Variants in OTOA observed in about 807,000 individuals in gnomAD.
OTOA encodes cancer/testis antigen 108.
In OTOA, 70 loss-of-function variants were observed where a neutral mutation model predicts 110.8. The observed-to-expected ratio is 0.63, with a 90% CI of 0.52 to 0.77. The LOEUF is 0.77. OTOA is among the 30% of genes least tolerant of loss of function. The pLI is 0.00. For missense variants in OTOA, 917 were observed against 1,075.8 expected (o/e 0.85, Z 2.06); for synonymous variants, 373 against 431.5 (o/e 0.86, Z 1.68).
chr16:21,730,005 G>T (rs1484264837), intron 20 of OTOA: 1 of 152,142 alleles, frequency 6.6e-6, no homozygotes, highest in Non-Finnish European at 1.5e-5. Flanking sequence ...ACTCCTTTGT[G>T]TAAATACCAA....
At chr16:21,680,289 G>A (rs1966879008) in intron 5 of OTOA, among the ~76,000 whole-genome samples, 1 of 152,060 alleles carries the variant, frequency 6.6e-6, no homozygotes, top group Admixed American at 6.6e-5. Flanking sequence ...CAAGGTGGGC[G>A]GATCATGAAG....
intron 1 of OTOA, among the ~76,000 whole-genome samples, chr16:21,667,213 T>C (rs1314397912): frequency 6.6e-6 from 1 of 152,212 alleles, no homozygotes; most frequent in Non-Finnish European, 1.5e-5. Context: ...TTTTGGTGTC[T>C]GGGAACTTCA....
chr16:21,681,316 T>G (rs1966888401), intron 5 of OTOA, among the ~76,000 whole-genome samples: 1 of 152,062 alleles, frequency 6.6e-6, no homozygotes, highest in Non-Finnish European at 1.5e-5. Flanking sequence ...TCAGGCTGGG[T>G]GCAGCAGCTC....
intron 9 of OTOA, among the ~76,000 whole-genome samples, chr16:21,692,513 G>T (rs1897851084): frequency 1.3e-5 from 2 of 152,154 alleles, no homozygotes; most frequent in Admixed American, 1.3e-4. Context: ...ACAGAAATTA[G>T]AATGGTGGTA....
At chr16:21,675,981 G>A (rs1966856890) in intron 1 of OTOA, among the ~76,000 whole-genome samples, 1 of 152,170 alleles carries the variant, frequency 6.6e-6, no homozygotes, top group South Asian at 2.1e-4. Context: ...TGGCTGGAGT[G>A]CAGTGGCATA....
intron 1 of OTOA, among the ~76,000 whole-genome samples, chr16:21,666,243 AT>A (rs61085785): frequency 0.033 from 4,219 of 128,906 alleles, 73 homozygotes; most frequent in East Asian, 0.094. Flanking sequence ...ATGAAATGGC[AT>A]TTTTTTTTTT....
intron 18 of OTOA, among the ~76,000 whole-genome samples, chr16:21,725,410 G>A (rs1354284220): frequency 6.6e-6 from 1 of 151,954 alleles, no homozygotes; most frequent in African/African-American, 2.4e-5. Flanking sequence ...TCAGCCTCTA[G>A]AGTAGTTGAA....
At chr16:21,683,329 C>T (rs59954465) in intron 6 of OTOA, among the ~76,000 whole-genome samples, 2,701 of 152,262 alleles carry the variant, frequency 0.018, 80 homozygotes, top group African/African-American at 0.062. Flanking sequence ...GTGGTAAGTC[C>T]TTTTATTGCC....
intron 1 of OTOA, among the ~76,000 whole-genome samples, chr16:21,665,242 G>A (rs770179653): frequency 1.2e-4 from 18 of 152,166 alleles, no homozygotes; most frequent in Non-Finnish European, 1.8e-4. Context: ...GCCAGTGAGC[G>A]TTGGAATCAT....
At position 21,718,463 on chromosome 16, in the gene OTOA, T is replaced by C. The variant is rs533235266; in HGVS notation, c.1630-670T>C. 5.5e-4 allele frequency among the ~76,000 whole-genome samples: 83 copies of C among 152,186 alleles called. 1 individual carries two copies. Among genetic ancestry groups the C allele is most frequent in the Non-Finnish European group, 1.1e-3 (73 of 68,038 alleles). ...CATCGTCCATTCCTTTTGCCTGGGC[T>C]TTTGTGCTGCTTTTTGGCTCTCAGC... is the stretch of plus-strand genomic sequence containing the variant. On this transcript the variant is annotated intron_variant, in intron 15 of 28. Transcript: ENST00000646100.
chr16:21,682,440 A>G (rs1966909999), intron 6 of OTOA, among the ~76,000 whole-genome samples: 1 of 152,242 alleles, frequency 6.6e-6, no homozygotes, highest in African/African-American at 2.4e-5. Context: ...ATTGATAAAG[A>G]GCAGTGAGAG....
chr16:21,664,599 A>G (rs1169554521), intron 1 of OTOA, among the ~76,000 whole-genome samples: 1 of 152,186 alleles, frequency 6.6e-6, no homozygotes, highest in Non-Finnish European at 1.5e-5. Context: ...GCATTCTTAT[A>G]TGTGCCAGTG....
At chr16:21,727,090 C>T (rs1281660447) in intron 19 of OTOA, 1 of 203,452 alleles carries the variant, frequency 4.9e-6, no homozygotes, top group East Asian at 1.3e-4. Flanking sequence ...GATCTCAGCT[C>T]ACTGCAACCT....
Position 21,678,919 on chromosome 16 carries a change from G to C in OTOA, c.96G>C (p.Leu32Phe), listed in dbSNP as rs372826296. The change falls in exon 3 of 29, where the codon TTG (leucine) becomes TTC (phenylalanine). Residue 32 changes from leucine (L) to phenylalanine (F), a missense_variant. Physicochemically the swap from Leu to Phe is conservative, Grantham distance 22. Transcript: ENST00000646100. Reference protein sequence around the residue: ...SYTVPNSRQDLHPLLQNMAEE... With the variant: ...SYTVPNSRQDFHPLLQNMAEE... The stretch of plus-strand genomic sequence containing the variant: ...CATTCAATGGCTTTCTTACAGATTT[G>C]CATCCATTGTTGCAAAACATGGCGG... 2.1e-5 allele frequency: 34 copies of C among 1,613,082 alleles called. 1 individual carries two copies. Among genetic ancestry groups the C allele is most frequent in the Non-Finnish European group, 2.7e-5 (32 of 1,179,908 alleles).
intron 13 of OTOA, among the ~76,000 whole-genome samples, chr16:21,711,323 T>C (rs1029419857): frequency 5.9e-5 from 9 of 152,112 alleles, no homozygotes; most frequent in African/African-American, 1.7e-4. Context: ...ACAGTCCTCT[T>C]TGGTGGGGAC....
chr16:21,728,957 C>T (rs1292287962), intron 20 of OTOA, among the ~76,000 whole-genome samples: 1 of 152,110 alleles, frequency 6.6e-6, no homozygotes, highest in Admixed American at 6.6e-5. Context: ...TTGTTTCTTA[C>T]ACAGCTTGGC....
intron 18 of OTOA, among the ~76,000 whole-genome samples, chr16:21,725,116 G>A (rs1291398523): frequency 6.6e-6 from 1 of 152,024 alleles, no homozygotes; most frequent in African/African-American, 2.4e-5. Flanking sequence ...ACTGGTTTCT[G>A]TGTTTCTTCT....
At chr16:21,695,833 TC>T (rs1276097719) in intron 9 of OTOA, among the ~76,000 whole-genome samples, 3 of 142,966 alleles carry the variant, frequency 2.1e-5, no homozygotes, top group Non-Finnish European at 4.5e-5. Context: ...CACTTCCAGC[TC>T]AGTGAAACTT....
chr16:21,669,028 TTCA>T (rs1159285837), intron 1 of OTOA, among the ~76,000 whole-genome samples: 3 of 152,054 alleles, frequency 2.0e-5, no homozygotes, highest in Non-Finnish European at 4.4e-5. Flanking sequence ...GGTGATATCA[TTCA>T]GGGTTTAAAT....
Sources: gnomAD v4.1 joint callset for allele counts (sites outside exome capture counted in the v4.1 genomes callset) on GRCh38, gnomAD v4.1.1 for gene constraint, MANE v1.5 for transcripts, NCBI Gene and HGNC (gene_info 2026-07-23, HGNC 2026-07-21) for gene names.